The following OR1L8 variants were observed in gnomAD, a reference collection of about 807,000 sequenced individuals.
OR1L8 encodes the protein olfactory receptor family 1 subfamily L member 8.
For missense variants in OR1L8, 330 were observed against 377.4 expected (o/e 0.87, Z 1.04); for synonymous variants, 148 against 147.0 (o/e 1.01, Z -0.05).
the OR1L8 span, chr9:122,554,177 G>A: frequency 1.1e-5 from 18 of 1,573,484 alleles, no homozygotes; most frequent in South Asian, 2.3e-5. Flanking sequence ...ACATCTAGAC[G>A]GTGATGTCTA....
chr9:122,569,832 C>T (rs975389743), intron 4 of OR1L8, among the ~76,000 whole-genome samples: 75 of 151,358 alleles, frequency 5.0e-4, no homozygotes, highest in Non-Finnish European at 4.9e-4. Context: ...CTCCCCCCTG[C>T]CCCCACCCCA....
In OR1L8 at chr9:122,568,697, G is replaced by A. The variant is rs909238171; in HGVS notation, c.-212-8C>T. On this transcript the variant is annotated splice_polypyrimidine_tract_variant and splice_region_variant and intron_variant, in intron 4 of 4. Coordinates refer to ENST00000641027, the MANE Select transcript of OR1L8 (RefSeq NM_001004454.2). ...AGGGCATTATATTGAAATCTGGAGG[G>A]ACAGAGGGAGAGTTTTCCTTTAGAA... 6.7e-6 allele frequency: 3 copies of A among 446,706 alleles called. No individual in the cohort carries two copies. The highest frequency in any genetic ancestry group is 2.0e-5 in the African/African-American group (1 of 50,186). The allele number at this position is 446,706 out of a possible 1,614,324, so 27.7% of individuals were successfully genotyped here.
the OR1L8 span, among the ~76,000 whole-genome samples, chr9:122,552,004 G>C: frequency 0.2 from 28,350 of 143,814 alleles, 3,132 homozygotes; most frequent in Middle Eastern, 0.24. Context: ...TCCATAATCT[G>C]ACAGGTGAGG....
At chr9:122,550,271 AC>A in the OR1L8 span, among the ~76,000 whole-genome samples, 1 of 152,166 alleles carries the variant, frequency 6.6e-6, no homozygotes, top group Non-Finnish European at 1.5e-5. Flanking sequence ...CCCAACAACA[AC>A]AACAAAAAGC....
downstream of OR1L8, among the ~76,000 whole-genome samples, chr9:122,565,266 C>T (rs1417111712): frequency 6.6e-6 from 1 of 152,138 alleles, no homozygotes; most frequent in East Asian, 1.9e-4. Context: ...TGTGAATAGA[C>T]CTCTATGAAT....
At chr9:122,580,018 A>T (rs1426675162) in intron 1 of OR1L8, among the ~76,000 whole-genome samples, 4 of 152,174 alleles carry the variant, frequency 2.6e-5, no homozygotes, top group African/African-American at 4.8e-5. Flanking sequence ...GTGCAACTGC[A>T]GCCCAACTAT....
At chr9:122,576,251 T>A (rs987110431) in intron 3 of OR1L8, among the ~76,000 whole-genome samples, 6 of 152,124 alleles carry the variant, frequency 3.9e-5, no homozygotes, top group African/African-American at 1.4e-4. Flanking sequence ...AGACAGAGTC[T>A]TGCTCTGTCA....
downstream of OR1L8, among the ~76,000 whole-genome samples, chr9:122,562,324 G>A (rs1192698560): frequency 6.6e-6 from 1 of 152,252 alleles, no homozygotes; most frequent in Non-Finnish European, 1.5e-5. Context: ...TTAGGCAGCA[G>A]GCAGTTGCAG....
chr9:122,566,957 G>T (rs1398471584), downstream of OR1L8, among the ~76,000 whole-genome samples: 1 of 150,760 alleles, frequency 6.6e-6, no homozygotes, highest in Admixed American at 6.6e-5. Context: ...AAATATAAGA[G>T]GAAATTAAAA....
rs539512242 is a variant in OR1L8 at position 122,575,547 on chromosome 9, CTTAT to C, written c.-342+1215_-342+1218del. On this transcript the variant is annotated intron_variant, in intron 3 of 4. Transcript: ENST00000641027. Reference sequence around the variant, plus strand: ...TCCATGAGATCTGTAGTGATGTTCCCTTATTTATTTCTGACATTAATAATTTGTG... The same window carrying C: ...TCCATGAGATCTGTAGTGATGTTCCCTTATTTCTGACATTAATAATTTGTG... Among the ~76,000 whole-genome samples, 236 of 152,078 alleles carry C rather than the reference CTTAT, an allele frequency of 1.6e-3. 1 individual carries two copies. Among genetic ancestry groups the C allele is most frequent in the African/African-American group, 5.4e-3 (225 of 41,510 alleles).
At chr9:122,553,769 T>C in the OR1L8 span, 1 of 1,614,060 alleles carries the variant, frequency 6.2e-7, no homozygotes, top group Non-Finnish European at 8.5e-7. Flanking sequence ...ATCCTAGTGC[T>C]CTCCTGAAGC....
At chr9:122,555,039 T>G in the OR1L8 span, among the ~76,000 whole-genome samples, 44 of 151,900 alleles carry the variant, frequency 2.9e-4, no homozygotes, top group African/African-American at 9.9e-4. Context: ...CTTTTTGCAA[T>G]GAAATTCTAG....
At chr9:122,550,218 T>C in the OR1L8 span, among the ~76,000 whole-genome samples, 2 of 152,070 alleles carry the variant, frequency 1.3e-5, no homozygotes, top group Admixed American at 1.3e-4. Flanking sequence ...GTAGAAATGC[T>C]AAATAAACCA....
chr9:122,577,559 G>A (rs1001396123), intron 2 of OR1L8, among the ~76,000 whole-genome samples: 1 of 152,124 alleles, frequency 6.6e-6, no homozygotes, highest in African/African-American at 2.4e-5. Context: ...AATGAAACTA[G>A]CAATAATGAA....
At chr9:122,574,831 T>TG (rs1161747714) in intron 3 of OR1L8, among the ~76,000 whole-genome samples, 1 of 151,700 alleles carries the variant, frequency 6.6e-6, no homozygotes, top group African/African-American at 2.4e-5. Flanking sequence ...AGGATTTTTT[T>TG]GGGGGTAGTT....
the OR1L8 span, among the ~76,000 whole-genome samples, chr9:122,546,863 CATAGTGATGTTTTGATACATAT>C: frequency 6.6e-6 from 1 of 152,016 alleles, no homozygotes; most frequent in African/African-American, 2.4e-5. Context: ...TCGGGGGGTA[CATAGTGATGTTTTGATACATAT>C]ATAGTGATCA....
the OR1L8 span, among the ~76,000 whole-genome samples, chr9:122,558,550 T>G: frequency 2.0e-5 from 3 of 151,768 alleles, no homozygotes; most frequent in Admixed American, 6.6e-5. Flanking sequence ...AAGTAATTTC[T>G]TATTATTTTA....
intron 4 of OR1L8, among the ~76,000 whole-genome samples, chr9:122,571,049 C>T (rs1386680746): frequency 6.6e-6 from 1 of 152,184 alleles, no homozygotes; most frequent in South Asian, 2.1e-4. Context: ...TACAATCGTG[C>T]ATTGGTGCTA....
the OR1L8 span, among the ~76,000 whole-genome samples, chr9:122,550,657 C>T: frequency 8.2e-4 from 125 of 151,524 alleles, no homozygotes; most frequent in East Asian, 5.4e-3. Context: ...ACCTTATAAT[C>T]ATCTCAATAG....
Sources: allele counts gnomAD v4.1 joint callset (sites outside exome capture counted in the v4.1 genomes callset), GRCh38; gene constraint gnomAD v4.1.1; transcripts MANE v1.5; gene names NCBI Gene and HGNC (gene_info 2026-07-23, HGNC 2026-07-21).